Variants in CA6 observed in about 807,000 individuals in gnomAD.
CA6 encodes carbonic anhydrase 6.
In CA6, 28 loss-of-function variants were observed where a neutral mutation model predicts 35.9. That is an observed-to-expected ratio of 0.78 (90% CI 0.58 to 1.07). The LOEUF (loss-of-function observed/expected upper bound fraction) is 1.07, where lower values mean the gene tolerates loss of function less well. CA6 is among the 50% of genes least tolerant of loss of function. CA6 has a pLI of 0.00. For synonymous variants in CA6, 148 were observed against 152.6 expected, an observed-to-expected ratio of 0.97 and a Z score of 0.22; for missense variants, 377 against 382.0, an observed-to-expected ratio of 0.99 and a Z score of 0.11.
chr1:8,973,177 G>A (rs1044527334), intron 7 of CA6, among the ~76,000 whole-genome samples: 2 of 152,026 alleles, frequency 1.3e-5, no homozygotes, highest in African/African-American at 2.4e-5. Flanking sequence ...GCGCCCCCAC[G>A]CCAGGCTAAT....
intron 7 of CA6, among the ~76,000 whole-genome samples, chr1:8,972,544 C>A (rs145098400): frequency 6.6e-6 from 1 of 151,902 alleles, no homozygotes; most frequent in Non-Finnish European, 1.5e-5. Flanking sequence ...AGGTGGCGGG[C>A]GCCTGTAGTC....
At chr1:8,967,178 C>A (rs1348025494) in intron 5 of CA6, among the ~76,000 whole-genome samples, 2 of 151,994 alleles carry the variant, frequency 1.3e-5, no homozygotes, top group Non-Finnish European at 2.9e-5. Context: ...CAAACCAAGG[C>A]ATTTTGGTCT....
chr1:8,973,784 C>CTTTCTCTTTCTTTCT (rs375258281), intron 7 of CA6, among the ~76,000 whole-genome samples: 4 of 52,012 alleles, frequency 7.7e-5, no homozygotes, highest in South Asian at 7.5e-4. Flanking sequence ...TTCTTTCTTT[C>CTTTCTCTTTCTTTCT]TTTTCCCTCC....
At chr1:8,951,652 C>T (rs1172244092) in intron 2 of CA6, 2 of 765,064 alleles carry the variant, frequency 2.6e-6, no homozygotes, top group African/African-American at 3.4e-5. Context: ...AAGGGGCTTG[C>T]AGCGGCTCCC....
At chr1:8,974,535 G>T in intron 7 of CA6, 87 bp from the exon 8 acceptor site, 2 of 1,418,956 alleles carry the variant, frequency 1.4e-6, no homozygotes, top group East Asian at 4.7e-5. Flanking sequence ...AATACGATGC[G>T]GGTATGGTGT....
At chr1:8,971,367 AG>A (rs1368215104) in intron 7 of CA6, among the ~76,000 whole-genome samples, 1 of 146,040 alleles carries the variant, frequency 6.8e-6, no homozygotes, top group Non-Finnish European at 1.5e-5. Context: ...GCTGGAGTGC[AG>A]TGGTGCAATC....
At chr1:8,966,377 TG>T in intron 5 of CA6, among the ~76,000 whole-genome samples, 1 of 152,164 alleles carries the variant, frequency 6.6e-6, no homozygotes, top group African/African-American at 2.4e-5. Context: ...CCCAAAGTGC[TG>T]GGATTACAGG....
chr1:8,951,847 T>A, intron 2 of CA6: 1 of 276,414 alleles, frequency 3.6e-6, no homozygotes, highest in Non-Finnish European at 6.5e-6. Context: ...TGAGATGGAG[T>A]CTTGCTCTGT....
intron 1 of CA6, 120 bp downstream of exon 1, chr1:8,946,085 TTGAG>T: frequency 1.5e-6 from 1 of 666,392 alleles, no homozygotes; most frequent in Non-Finnish European, 2.6e-6. Flanking sequence ...TTGCCCAGGC[TTGAG>T]TACAGTAGTG....
chr1:8,970,974 G>A lies in CA6; in HGVS notation c.837G>A (p.Pro279=), dbSNP rs200520970. Residue 279 remains proline (P), a synonymous_variant, in exon 7 of 8, where the codon CCG becomes CCA. Coordinates refer to ENST00000377443, the MANE Select transcript of CA6 (RefSeq NM_001215.4). ...ACAGAGTGGTGGAATCCAACTTCCC[G>A]AATCAGGGTGAGTGAGACCGACTCT... ...LNHRVVESNF[P]NQEYTLGSEF... 64 of 1,607,018 alleles carry A rather than the reference G, an allele frequency of 4.0e-5. No homozygotes were observed. Among genetic ancestry groups the A allele is most frequent in the Non-Finnish European group, 4.8e-5 (56 of 1,173,596 alleles).
chr1:8,959,020 A>T lies in CA6; in HGVS notation c.501+18A>T. 1 of 1,480,442 alleles carries T rather than the reference A, an allele frequency of 6.8e-7. No homozygotes were observed. The highest frequency in any genetic ancestry group is 9.4e-7 in the Non-Finnish European group (1 of 1,058,916). 91.7% of individuals were successfully genotyped at this position (1,480,442 alleles called of 1,614,324 possible). A position where few individuals can be genotyped will look rare whatever the true frequency, so the allele number is the denominator to read the frequency against. On this transcript the variant is annotated intron_variant, in intron 4 of 7. Coordinates refer to ENST00000377443, the MANE Select transcript of CA6 (RefSeq NM_001215.4). The stretch of plus-strand genomic sequence containing the variant: ...TCGTTGAGGTAAGCAGAAACTACCC[A>T]TGTGTGTCTGTATTTGAAGTTATAG...
In CA6 at chr1:8,948,067, C is replaced by T. The variant is rs183169608; in HGVS notation, c.80-1196C>T. Among the ~76,000 whole-genome samples the T allele has an allele frequency of 1.4e-3, 218 of 152,080 alleles. 3 individuals are homozygous for T. Among genetic ancestry groups the T allele is most frequent in the African/African-American group, 5.0e-3 (206 of 41,402 alleles). ...TCTCCAGGTTTGTCAGGGTGGGTCT[C>T]GAGCTCCCAACCTTAGGTGATCCAC... On this transcript the variant is annotated intron_variant, in intron 1 of 7. Transcript: ENST00000377443.
chr1:8,957,033 C>T, intron 2 of CA6, 104 bp from the exon 3 acceptor site: 5 of 1,073,986 alleles, frequency 4.7e-6, no homozygotes, highest in Non-Finnish European at 6.4e-6. Context: ...TTGGCTTGCC[C>T]TGGGCTCAGA....
chr1:8,957,605 T>G (rs1639723793), intron 3 of CA6, among the ~76,000 whole-genome samples: 1 of 150,806 alleles, frequency 6.6e-6, no homozygotes, highest in South Asian at 2.2e-4. Flanking sequence ...CCTCCCAAAG[T>G]GCTGGGATTA....
At chr1:8,950,817 G>A (rs1257335924) in intron 2 of CA6, among the ~76,000 whole-genome samples, 1 of 150,686 alleles carries the variant, frequency 6.6e-6, no homozygotes, top group Non-Finnish European at 1.5e-5. Context: ...GTGGTGAGCC[G>A]AGATTACCAC....
intron 6 of CA6, among the ~76,000 whole-genome samples, chr1:8,968,031 G>A (rs918350111): frequency 1.4e-5 from 2 of 138,564 alleles, no homozygotes; most frequent in Non-Finnish European, 3.0e-5. Flanking sequence ...GCAGTGGCAC[G>A]ATCTCAGCTC....
rs1217460827 is a variant in CA6, at chr1:8,949,252, T to C, written c.80-11T>C. On this transcript the variant is annotated splice_polypyrimidine_tract_variant and intron_variant, in intron 1 of 7. Coordinates refer to ENST00000377443, the MANE Select transcript of CA6 (RefSeq NM_001215.4). Reference sequence around the variant, plus strand: ...CAGGCAGCCCCTTGAACTGTGTCTTTCCTGTCTTAGAAGGGGCACTGGACG... The same window carrying C: ...CAGGCAGCCCCTTGAACTGTGTCTTCCCTGTCTTAGAAGGGGCACTGGACG... 2 of 1,582,376 alleles carry C rather than the reference T, an allele frequency of 1.3e-6. No individual in the cohort carries two copies. The highest frequency in any genetic ancestry group is 2.7e-5 in the African/African-American group (2 of 73,010).
rs952606546 is a variant in CA6, at chr1:8,974,533, G to A, written c.845-89G>A. On this transcript the variant is annotated intron_variant, in intron 7 of 7. Transcript: ENST00000377443. ...TCAAAAGACTTCCCAAAAATACGAT[G>A]CGGGTATGGTGTCTGGCCGTCCCCC... The A allele has an allele frequency of 2.8e-6, 4 of 1,417,820 alleles. No homozygotes were observed. In the South Asian group the frequency reaches 5.0e-5, roughly 18 times the overall value. 87.8% of individuals were successfully genotyped at this position (1,417,820 alleles called of 1,614,324 possible). A position where few individuals can be genotyped will look rare whatever the true frequency, so the allele number is the denominator to read the frequency against.
chr1:8,962,679 G>A, intron 5 of CA6, 23 bp downstream of exon 5: 1 of 1,597,852 alleles, frequency 6.3e-7, no homozygotes, highest in Non-Finnish European at 8.6e-7. Context: ...AACTGTGGCT[G>A]CAGGAGGGAA....
Sources: allele counts gnomAD v4.1 joint callset (sites outside exome capture counted in the v4.1 genomes callset), GRCh38; gene constraint gnomAD v4.1.1; transcripts MANE v1.5; gene names NCBI Gene and HGNC (gene_info 2026-07-23, HGNC 2026-07-21).